The following DYM variants were observed in gnomAD, a reference collection of about 807,000 sequenced individuals.
DYM encodes dymeclin, also known as dyggve-Melchior-Clausen syndrome protein.
A neutral mutation model predicts 93.1 loss-of-function variants in DYM; 78 were observed. The ratio of observed to expected loss-of-function variants is 0.84; its 90% CI spans 0.70 to 1.01. The LOEUF (loss-of-function observed/expected upper bound fraction) is 1.01, where lower values mean the gene tolerates loss of function less well. Ranked by LOEUF, DYM falls within the 50% of genes least tolerant of loss-of-function variation. The pLI is 0.00. For synonymous variants in DYM, 321 were observed against 319.7 expected (o/e 1.00, Z -0.04); for missense variants, 789 against 845.0 (o/e 0.93, Z 0.82).
intron 17 of DYM, among the ~76,000 whole-genome samples, chr18:49,058,283 C>T (rs2075675507): frequency 6.6e-6 from 1 of 151,826 alleles, no homozygotes. Flanking sequence ...ACACAGGCTC[C>T]AATTTTGCTA....
chr18:49,068,609 C>A (rs1411049461), intron 17 of DYM, among the ~76,000 whole-genome samples: 1 of 152,158 alleles, frequency 6.6e-6, no homozygotes, highest in Non-Finnish European at 1.5e-5. Context: ...CAGAACAACT[C>A]CAAAAATGAA....
chr18:49,209,929 A>C (rs1192595770), intron 13 of DYM, among the ~76,000 whole-genome samples: 2 of 152,228 alleles, frequency 1.3e-5, no homozygotes, highest in Non-Finnish European at 2.9e-5. Context: ...ATCAGAGAAG[A>C]TATACAGATG....
chr18:49,160,940 T>A (rs931275877), intron 15 of DYM, among the ~76,000 whole-genome samples: 1 of 152,160 alleles, frequency 6.6e-6, no homozygotes, highest in Admixed American at 6.6e-5. Flanking sequence ...CAGGTCTCTA[T>A]CAGGAGTGAT....
intron 13 of DYM, among the ~76,000 whole-genome samples, chr18:49,212,579 C>T (rs1226741885): frequency 2.0e-5 from 3 of 151,894 alleles, no homozygotes; most frequent in Non-Finnish European, 4.4e-5. Flanking sequence ...CTCACTGCAG[C>T]CTAAACTACC....
At chr18:49,168,906 T>G (rs2088278104) in intron 14 of DYM, among the ~76,000 whole-genome samples, 1 of 152,090 alleles carries the variant, frequency 6.6e-6, no homozygotes, top group Admixed American at 6.5e-5. Flanking sequence ...AGAAAGGCAC[T>G]GGGAGATTTC....
chr18:49,420,165 GTTTT>G (rs58141815), intron 2 of DYM, among the ~76,000 whole-genome samples: 1,460 of 109,024 alleles, frequency 0.013, 23 homozygotes, highest in African/African-American at 0.044. Flanking sequence ...GTTAAAATTC[GTTTT>G]TTTTTTTTTT....
intron 6 of DYM, among the ~76,000 whole-genome samples, chr18:49,343,825 T>C (rs1425993789): frequency 1.3e-5 from 2 of 152,140 alleles, no homozygotes; most frequent in Non-Finnish European, 2.9e-5. Flanking sequence ...GAAAAATTTA[T>C]GCCTGGGCAT....
At chr18:49,346,330 G>GAATATATATAA (rs1265790188) in intron 6 of DYM, among the ~76,000 whole-genome samples, 1 of 152,138 alleles carries the variant, frequency 6.6e-6, no homozygotes. Flanking sequence ...TATATAACAT[G>GAATATATATAA]AATGAACTCT....
chr18:49,228,221 A>G (rs1164631862), intron 13 of DYM, among the ~76,000 whole-genome samples: 3 of 152,158 alleles, frequency 2.0e-5, no homozygotes, highest in Non-Finnish European at 4.4e-5. Context: ...AATGATCCAC[A>G]AGTCATCTTA....
At chr18:49,283,002 T>A (rs1371752672) in intron 9 of DYM, among the ~76,000 whole-genome samples, 1 of 152,208 alleles carries the variant, frequency 6.6e-6, no homozygotes, top group Non-Finnish European at 1.5e-5. Flanking sequence ...AATGGAGTCA[T>A]ATTCCCATAA....
At chr18:49,375,306 T>TAC (rs1003014259) in intron 5 of DYM, among the ~76,000 whole-genome samples, 1 of 151,464 alleles carries the variant, frequency 6.6e-6, no homozygotes, top group East Asian at 1.9e-4. Context: ...TATGTATATA[T>TAC]ACACACACAC....
At chr18:49,267,195 C>T (rs2094584125) in intron 11 of DYM, among the ~76,000 whole-genome samples, 1 of 120,560 alleles carries the variant, frequency 8.3e-6, no homozygotes, top group East Asian at 2.0e-4. Flanking sequence ...TAAAAGGTAA[C>T]TTTTTAAAAA....
chr18:49,254,070 G>A (rs2145052935), intron 13 of DYM, among the ~76,000 whole-genome samples: 1 of 151,988 alleles, frequency 6.6e-6, no homozygotes, highest in South Asian at 2.1e-4. Context: ...TTGGTTTGTT[G>A]TAGTTGATGA....
At chr18:49,055,398 G>A (rs183897358) in intron 17 of DYM, among the ~76,000 whole-genome samples, 7 of 152,294 alleles carry the variant, frequency 4.6e-5, no homozygotes, top group Admixed American at 3.9e-4. Flanking sequence ...TTGCCTACGC[G>A]TCAACTCCTC....
chr18:49,093,515 A>G (rs2079264783), intron 17 of DYM, among the ~76,000 whole-genome samples: 1 of 152,154 alleles, frequency 6.6e-6, no homozygotes, highest in Admixed American at 6.5e-5. Context: ...AGAAATGTGG[A>G]GCAGCCACAT....
At chr18:49,420,057 G>T (rs953516879) in intron 2 of DYM, among the ~76,000 whole-genome samples, 1 of 151,606 alleles carries the variant, frequency 6.6e-6, no homozygotes, top group African/African-American at 2.4e-5. Flanking sequence ...CCAATCCACA[G>T]CCACCTTTAA....
In DYM at chr18:49,312,717, C is replaced by T. The variant is rs575885700; in HGVS notation, c.763+19147G>A. ...GGGTACAAGCTATAACACAGGTGACCGGGGGCATGTCAGCATGGCCAAGCA... is the reference window on the plus strand; with the variant it reads ...GGGTACAAGCTATAACACAGGTGACTGGGGGCATGTCAGCATGGCCAAGCA... On this transcript the variant is annotated intron_variant, in intron 8 of 17. Transcript: ENST00000675505. 7.2e-5 allele frequency among the ~76,000 whole-genome samples: 11 copies of T among 152,106 alleles called. No individual in the cohort carries two copies. In the East Asian group the frequency reaches 1.3e-3, roughly 19 times the overall value.
intron 8 of DYM, among the ~76,000 whole-genome samples, chr18:49,292,198 C>T (rs1230324607): frequency 6.6e-6 from 1 of 152,090 alleles, no homozygotes; most frequent in African/African-American, 2.4e-5. Context: ...ACTCTCCTTT[C>T]TTCAAGATTT....
intron 11 of DYM, among the ~76,000 whole-genome samples, chr18:49,267,277 T>C (rs1051104085): frequency 2.0e-5 from 3 of 151,046 alleles, no homozygotes; most frequent in African/African-American, 4.9e-5. Flanking sequence ...TTAAAAGAAA[T>C]GTACAAATTC....
Sources: gnomAD v4.1 joint callset for allele counts (sites outside exome capture counted in the v4.1 genomes callset) on GRCh38, gnomAD v4.1.1 for gene constraint, MANE v1.5 for transcripts, NCBI Gene and HGNC (gene_info 2026-07-23, HGNC 2026-07-21) for gene names.